Variants in NMNAT2 observed in about 807,000 individuals in gnomAD.
NMNAT2 encodes the protein nicotinamide nucleotide adenylyltransferase 2.
In NMNAT2, 11 loss-of-function variants were observed where a neutral mutation model predicts 41.6. That is an observed-to-expected ratio of 0.26 (90% CI 0.17 to 0.44). The LOEUF is 0.44. Among genes scored for constraint, NMNAT2 ranks in the 20% least tolerant of loss-of-function variants. The probability of loss-of-function intolerance (pLI) is 1.00; values close to 1 mark genes in which losing one functional copy is unlikely to be tolerated. For missense variants in NMNAT2, 288 were observed against 407.7 expected (o/e 0.71, Z 2.53); for synonymous variants, 148 against 151.2 (o/e 0.98, Z 0.16).
At chr1:183,352,067 G>C (rs947419294) in intron 1 of NMNAT2, among the ~76,000 whole-genome samples, 7 of 152,106 alleles carry the variant, frequency 4.6e-5, no homozygotes, top group African/African-American at 1.4e-4. Flanking sequence ...CCTGGGAAGA[G>C]AATGTCTAGT....
chr1:183,276,560 C>T (rs981790946), intron 8 of NMNAT2, among the ~76,000 whole-genome samples: 5 of 152,198 alleles, frequency 3.3e-5, no homozygotes, highest in African/African-American at 1.2e-4. Flanking sequence ...CCTGGGTCTG[C>T]CCTTGAGAGG....
chr1:183,253,308 A>G (rs1470763768), intron 10 of NMNAT2, among the ~76,000 whole-genome samples: 2 of 147,976 alleles, frequency 1.4e-5, no homozygotes, highest in East Asian at 3.9e-4. Flanking sequence ...ATTATATTAT[A>G]TTATATTATT....
At chr1:183,340,612 C>T (rs1325855814) in intron 1 of NMNAT2, among the ~76,000 whole-genome samples, 1 of 152,182 alleles carries the variant, frequency 6.6e-6, no homozygotes, top group Non-Finnish European at 1.5e-5. Context: ...GCATGAGCCA[C>T]CGTGCCTGGC....
chr1:183,275,147 C>T (rs562331178), intron 8 of NMNAT2, among the ~76,000 whole-genome samples: 2 of 152,250 alleles, frequency 1.3e-5, no homozygotes, highest in South Asian at 2.1e-4. Context: ...AAGTCCTGTC[C>T]TCATGTTCGG....
chr1:183,285,708 C>G (rs1344233059), intron 5 of NMNAT2, among the ~76,000 whole-genome samples: 1 of 152,202 alleles, frequency 6.6e-6, no homozygotes, highest in Non-Finnish European at 1.5e-5. Flanking sequence ...AATTCTAGCT[C>G]TTCTACTTTT....
intron 1 of NMNAT2, among the ~76,000 whole-genome samples, chr1:183,409,240 C>T (rs1649048109): frequency 2.0e-5 from 3 of 152,048 alleles, no homozygotes; most frequent in Admixed American, 2.0e-4. Flanking sequence ...TCAGAAAACC[C>T]AACCCCTTAC....
At chr1:183,330,186 A>C (rs912437393) in intron 1 of NMNAT2, among the ~76,000 whole-genome samples, 1 of 152,224 alleles carries the variant, frequency 6.6e-6, no homozygotes, top group Admixed American at 6.5e-5. Flanking sequence ...TAAAATGGAG[A>C]TAAAAACAGT....
chr1:183,276,295 A>G (rs780031879), intron 8 of NMNAT2, among the ~76,000 whole-genome samples: 3 of 152,184 alleles, frequency 2.0e-5, no homozygotes, highest in Non-Finnish European at 4.4e-5. Context: ...TGGTAAATCA[A>G]CAGCTACTAG....
intron 1 of NMNAT2, among the ~76,000 whole-genome samples, chr1:183,392,656 C>T (rs1333410130): frequency 2.0e-5 from 3 of 152,226 alleles, no homozygotes; most frequent in African/African-American, 7.2e-5. Context: ...TTCCTCCGCT[C>T]CAAACATACT....
chr1:183,267,203 A>G (rs1162013089), intron 8 of NMNAT2: 1 of 152,374 alleles, frequency 6.6e-6, no homozygotes, highest in Non-Finnish European at 1.5e-5. Flanking sequence ...TGGAAAAACC[A>G]CTGGGGGAGA....
chr1:183,321,103 G>A (rs952453240), intron 1 of NMNAT2, among the ~76,000 whole-genome samples: 1 of 152,154 alleles, frequency 6.6e-6, no homozygotes, highest in Non-Finnish European at 1.5e-5. Context: ...GTTGCAATTC[G>A]ATTACAGAAG....
At chr1:183,415,746 T>C (rs1649234566) in intron 1 of NMNAT2, among the ~76,000 whole-genome samples, 2 of 152,252 alleles carry the variant, frequency 1.3e-5, no homozygotes, top group Non-Finnish European at 2.9e-5. Flanking sequence ...AGAACTGCTC[T>C]ACAAAAATAA....
chr1:183,398,010 C>A (rs1391287292), intron 1 of NMNAT2, among the ~76,000 whole-genome samples: 1 of 152,178 alleles, frequency 6.6e-6, no homozygotes, highest in Admixed American at 6.5e-5. Flanking sequence ...AACTAACAAG[C>A]AAAATAACCA....
rs139370268 is a variant in NMNAT2, at chr1:183,284,571, T to A, written c.529+139A>T. 70 of 751,166 alleles carry A rather than the reference T, an allele frequency of 9.3e-5. No individual in the cohort carries two copies. In the Admixed American group the frequency reaches 1.3e-3, roughly 14 times the overall value. 46.5% of individuals were successfully genotyped at this position (751,166 alleles called of 1,614,324 possible). A position where few individuals can be genotyped will look rare whatever the true frequency, so the allele number is the denominator to read the frequency against. On this transcript the variant is annotated intron_variant, in intron 6 of 10. Coordinates refer to ENST00000287713, the MANE Select transcript of NMNAT2 (RefSeq NM_015039.4). ...TGCAACGCCTGTGTGGGGGGATACG[T>A]TGTGCACAAGTACGCACACACACAC... is the stretch of plus-strand genomic sequence containing the variant.
chr1:183,371,591 T>C (rs1663545143), intron 1 of NMNAT2, among the ~76,000 whole-genome samples: 1 of 152,132 alleles, frequency 6.6e-6, no homozygotes, highest in Non-Finnish European at 1.5e-5. Flanking sequence ...TCTCTGTGCC[T>C]TCTCTCAATT....
intron 1 of NMNAT2, among the ~76,000 whole-genome samples, chr1:183,325,003 C>T (rs1462139567): frequency 6.6e-6 from 1 of 152,188 alleles, no homozygotes; most frequent in Admixed American, 6.5e-5. Flanking sequence ...GGGTTCATGA[C>T]AGTGACCAAG....
At position 183,252,453 on chromosome 1, in the gene NMNAT2, T is replaced by G; in HGVS notation, c.*188A>C. On this transcript the variant is annotated 3_prime_UTR_variant, in exon 11 of 11. Transcript: ENST00000287713. ...CCCCAACCCGGAGACTAGAGGAAAG[T>G]CTGTCCAAAGATGACTGTGGAATAG... is the stretch of plus-strand genomic sequence containing the variant. The G allele has an allele frequency of 7.7e-6, 4 of 521,294 alleles. No homozygotes were observed. The highest frequency in any genetic ancestry group is 1.0e-5 in the Non-Finnish European group (3 of 286,104). 32.3% of individuals were successfully genotyped at this position (521,294 alleles called of 1,614,324 possible).
At chr1:183,331,196 G>A (rs1474603987) in intron 1 of NMNAT2, among the ~76,000 whole-genome samples, 2 of 152,058 alleles carry the variant, frequency 1.3e-5, no homozygotes, top group African/African-American at 2.4e-5. Flanking sequence ...GGGGGTGGCC[G>A]TGGCGCACTG....
chr1:183,255,627 A>AT (rs1660494382), intron 10 of NMNAT2, among the ~76,000 whole-genome samples: 1 of 137,552 alleles, frequency 7.3e-6, no homozygotes, highest in Non-Finnish European at 1.6e-5. Context: ...CAGTGTACAG[A>AT]TTTTTCACTT....
Sources: gnomAD v4.1 joint callset for allele counts (sites outside exome capture counted in the v4.1 genomes callset) on GRCh38, gnomAD v4.1.1 for gene constraint, MANE v1.5 for transcripts, NCBI Gene and HGNC (gene_info 2026-07-23, HGNC 2026-07-21) for gene names.